The following SIGLEC7 variants were observed in gnomAD, a reference collection of about 807,000 sequenced individuals.
SIGLEC7 encodes sialic acid binding Ig like lectin 7.
Under a neutral mutation model 40.8 loss-of-function variants are expected in SIGLEC7, and 33 were observed. The observed-to-expected ratio is 0.81, with a 90% CI of 0.61 to 1.08. SIGLEC7 has a LOEUF of 1.08. Among genes scored for constraint, SIGLEC7 ranks in the 50% least tolerant of loss-of-function variants. The pLI is 0.00. For synonymous variants in SIGLEC7, 242 were observed against 237.6 expected, an observed-to-expected ratio of 1.02 and a Z score of -0.17; for missense variants, 513 against 576.1, an observed-to-expected ratio of 0.89 and a Z score of 1.12.
rs1416510585 is a variant in SIGLEC7, at chr19:51,153,219, T to A, written c.1378T>A (p.Tyr460Asn). The change falls in exon 7 of 7, where the codon TAC becomes AAC. Residue 460 changes from tyrosine to asparagine, a missense_variant. Coordinates refer to ENST00000317643, the MANE Select transcript of SIGLEC7 (RefSeq NM_014385.4). Reference protein sequence around the residue: ...LSGQEATNNEYSEIKIPK With the variant: ...LSGQEATNNENSEIKIPK ...AGGACAAGAAGCCACCAACAATGAG[T>A]ACTCAGAGATCAAGATCCCCAAGTA... The A allele has an allele frequency of 3.2e-6, 5 of 1,585,194 alleles. No individual in the cohort carries two copies. Among genetic ancestry groups the A allele is most frequent in the Non-Finnish European group, 3.4e-6 (4 of 1,166,246 alleles).
At chr19:51,149,123 T>C (rs184993765) in intron 6 of SIGLEC7, among the ~76,000 whole-genome samples, 1 of 152,346 alleles carries the variant, frequency 6.6e-6, no homozygotes, top group Admixed American at 6.5e-5. Context: ...GTTTACTCTG[T>C]TGATGGTTTA....
chr19:51,146,184 G>A, intron 4 of SIGLEC7, 63 bp downstream of exon 4: 2 of 1,572,442 alleles, frequency 1.3e-6, no homozygotes, highest in Non-Finnish European at 1.7e-6. Flanking sequence ...GCCACCCACT[G>A]CCCCTGAGCT....
chr19:51,152,667 T>C (rs1320073165), intron 6 of SIGLEC7, among the ~76,000 whole-genome samples: 2 of 152,172 alleles, frequency 1.3e-5, no homozygotes, highest in Admixed American at 6.6e-5. Context: ...ACACCTACTG[T>C]GTCCACCACA....
At chr19:51,152,733 AGGCTTTGG>A (rs1399548434) in intron 6 of SIGLEC7, among the ~76,000 whole-genome samples, 1 of 152,214 alleles carries the variant, frequency 6.6e-6, no homozygotes, top group Non-Finnish European at 1.5e-5. Flanking sequence ...GCAGGACTCC[AGGCTTTGG>A]GGTCAGAAGG....
Position 51,145,764 on chromosome 19 carries a change from ACT to A in SIGLEC7, c.761-86_761-85del. The A allele has an allele frequency of 6.2e-6, 9 of 1,449,838 alleles. No homozygotes were observed. In the South Asian group the frequency reaches 1.1e-4, roughly 18 times the overall value. The allele number at this position is 1,449,838 out of a possible 1,614,324, so 89.8% of individuals were successfully genotyped here. ...GTATGTCCCTGCACCAGCCTACATC[ACT>A]CTCTGTTCCATTCCCCAGTCTCATT... On this transcript the variant is annotated intron_variant, in intron 3 of 6. Transcript: ENST00000317643. The surrounding 1 kb of genome is among the most constrained non-coding windows in gnomAD (Gnocchi z 4.3).
intron 6 of SIGLEC7, among the ~76,000 whole-genome samples, chr19:51,147,954 A>G (rs1035361209): frequency 6.6e-6 from 1 of 152,178 alleles, no homozygotes; most frequent in Non-Finnish European, 1.5e-5. Flanking sequence ...TGCCAGTAAA[A>G]CTTTATTTAT....
At position 51,144,974 on chromosome 19, in the gene SIGLEC7, C is replaced by G. The variant is rs371956450; in HGVS notation, c.760+15C>G. 42 of 1,613,578 alleles carry G rather than the reference C, an allele frequency of 2.6e-5. No individual in the cohort carries two copies. Among genetic ancestry groups the G allele is most frequent in the Non-Finnish European group, 3.5e-5 (41 of 1,179,654 alleles). On this transcript the variant is annotated intron_variant, in intron 3 of 6. Coordinates refer to ENST00000317643, the MANE Select transcript of SIGLEC7 (RefSeq NM_014385.4). ...AGAAGGCACAGGTAGGATGGAGCCC[C>G]CTCCCTGGGGCTGGGGGAGCAGGGC...
intron 6 of SIGLEC7, among the ~76,000 whole-genome samples, chr19:51,150,082 C>T (rs2092134429): frequency 1.3e-5 from 2 of 152,178 alleles, no homozygotes; most frequent in Non-Finnish European, 2.9e-5. Context: ...TAGAATCATG[C>T]ATCTGCAAAG....
At position 51,147,260 on chromosome 19, in the gene SIGLEC7, G is replaced by A. The variant is rs766073645; in HGVS notation, c.1164G>A (p.Ala388=). Residue 388 remains alanine, a synonymous_variant, in exon 6 of 7, where the codon GCG becomes GCA. Coordinates refer to ENST00000317643, the MANE Select transcript of SIGLEC7 (RefSeq NM_014385.4). ...SCRKKSARPA[A]DVGDIGMKDA... is the part of the protein sequence containing the mutation. ...GGAAGAAATCGGCAAGGCCAGCAGC[G>A]GACGTGGGAGACATAGGCATGAAGG... 37 of 1,612,622 alleles carry A rather than the reference G, an allele frequency of 2.3e-5. No individual in the cohort carries two copies. Among genetic ancestry groups the A allele is most frequent in the African/African-American group, 9.4e-5 (7 of 74,860 alleles).
intron 6 of SIGLEC7, among the ~76,000 whole-genome samples, chr19:51,150,046 G>A (rs2092134197): frequency 1.3e-5 from 2 of 152,136 alleles, no homozygotes; most frequent in African/African-American, 4.8e-5. Flanking sequence ...AAGCTTTTGG[G>A]CTGGGACTAC....
At chr19:51,147,910 C>T (rs1407839744) in intron 6 of SIGLEC7, among the ~76,000 whole-genome samples, 1 of 152,180 alleles carries the variant, frequency 6.6e-6, no homozygotes, top group Non-Finnish European at 1.5e-5. Context: ...AGGAAATCAG[C>T]CGTAGACCAT....
chr19:51,145,911 C>T lies in SIGLEC7; in HGVS notation c.817C>T (p.Arg273Cys), dbSNP rs762194271. ...TTCAGTCCTAGAGGGCCAGTCTCTG[C>T]GCTTGGTCTGTGCTGTTGACAGCAA... ...SLSVLEGQSL[R>C]LVCAVDSNPP... Residue 273 changes from arginine to cysteine, a missense_variant, in exon 4 of 7, where the codon CGC (arginine) becomes TGC (cysteine). Coordinates refer to ENST00000317643, the MANE Select transcript of SIGLEC7 (RefSeq NM_014385.4). The surrounding 1 kb of genome is among the most constrained non-coding windows in gnomAD (Gnocchi z 4.3). 25 of 1,614,108 alleles carry T rather than the reference C, an allele frequency of 1.5e-5. No individual in the cohort carries two copies. The highest frequency in any genetic ancestry group is 1.3e-4 in the African/African-American group (10 of 74,926).
intron 6 of SIGLEC7, among the ~76,000 whole-genome samples, chr19:51,147,603 A>G (rs2092117891): frequency 6.6e-6 from 1 of 152,086 alleles, no homozygotes; most frequent in Admixed American, 6.5e-5. Flanking sequence ...TTCCTCCCTA[A>G]GAATGGCTAG....
chr19:51,144,958 A>T lies in SIGLEC7; in HGVS notation c.759A>T (p.Thr253=), dbSNP rs2092097651. 1 of 1,613,968 alleles carries T rather than the reference A, an allele frequency of 6.2e-7. No individual in the cohort carries two copies. Among genetic ancestry groups the T allele is most frequent in the East Asian group, 2.2e-5 (1 of 44,862 alleles). ...TGACTGTCTTCCAAGGAGAAGGCACAGGTAGGATGGAGCCCCCTCCCTGGG... is the reference window on the plus strand; with the variant it reads ...TGACTGTCTTCCAAGGAGAAGGCACTGGTAGGATGGAGCCCCCTCCCTGGG... The part of the protein sequence containing the change: ...LTVTVFQGEG[T]ASTALGNSSS... Residue 253 remains threonine, a splice_region_variant and synonymous_variant, in exon 3 of 7, where the codon ACA becomes ACT. Transcript: ENST00000317643.
chr19:51,144,837 T>C, intron 2 of SIGLEC7, 75 bp from the exon 3 acceptor site: 2 of 1,584,882 alleles, frequency 1.3e-6, no homozygotes, highest in Non-Finnish European at 8.7e-7. Flanking sequence ...TCCCCATTTA[T>C]GCAGCTCCTG....
chr19:51,145,783 A>C lies in SIGLEC7; in HGVS notation c.761-72A>C. On this transcript the variant is annotated intron_variant, in intron 3 of 6. Coordinates refer to ENST00000317643, the MANE Select transcript of SIGLEC7 (RefSeq NM_014385.4). The surrounding 1 kb of genome is among the most constrained non-coding windows in gnomAD (Gnocchi z 4.3). ...TACATCACTCTCTGTTCCATTCCCC[A>C]GTCTCATTCTGTATCCTTCCTCCCT... 1.3e-6 allele frequency: 2 copies of C among 1,542,706 alleles called. No individual in the cohort carries two copies. The highest frequency in any genetic ancestry group is 1.8e-6 in the Non-Finnish European group (2 of 1,124,434).
At chr19:51,144,099 T>C (rs2092089257) in intron 1 of SIGLEC7, 1 of 663,376 alleles carries the variant, frequency 1.5e-6, no homozygotes, top group African/African-American at 1.8e-5. Flanking sequence ...TCCCTGAGCA[T>C]CAGAGATGCC....
At chr19:51,152,465 T>C (rs1355357310) in intron 6 of SIGLEC7, among the ~76,000 whole-genome samples, 2 of 152,126 alleles carry the variant, frequency 1.3e-5, no homozygotes, top group Admixed American at 6.5e-5. Flanking sequence ...TTTGACTGAG[T>C]TGTCCTCCCC....
Position 51,146,826 on chromosome 19 carries a change from T to C in SIGLEC7, c.1100T>C (p.Leu367Pro), listed in dbSNP as rs757993538. 1.4e-5 allele frequency: 22 copies of C among 1,613,820 alleles called. No homozygotes were observed. In the Admixed American group the frequency reaches 3.7e-4, roughly 27 times the overall value. Residue 367 changes from leucine to proline, a missense_variant, in exon 5 of 7, where the codon CTC becomes CCC. Leu to Pro is a moderately conservative substitution (Grantham distance 98). Transcript: ENST00000317643. ...GGAGATALVF[L>P]SFCVIFIVVR... ...GCTGGAGCCACAGCCCTGGTCTTCC[T>C]CTCCTTCTGTGTCATCTTCATTGTG...
Sources: gnomAD v4.1 joint callset for allele counts (sites outside exome capture counted in the v4.1 genomes callset) on GRCh38, gnomAD v4.1.1 for gene constraint, Gnocchi (gnomAD v3.1) non-coding constraint, MANE v1.5 for transcripts, NCBI Gene and HGNC (gene_info 2026-07-23, HGNC 2026-07-21) for gene names.